The following ZNF264 variants were observed in gnomAD, a reference collection of about 807,000 sequenced individuals.
ZNF264 encodes zinc finger protein 264.
In ZNF264, 11 loss-of-function variants were observed where a neutral mutation model predicts 11.2. The ratio of observed to expected loss-of-function variants is 0.98; its 90% CI spans 0.62 to 1.63. ZNF264 has a LOEUF of 1.63. ZNF264 is among the 40% of genes most tolerant of loss of function. The pLI, the probability that ZNF264 is intolerant of heterozygous loss-of-function variation, is 0.00. For synonymous variants in ZNF264, 309 were observed against 279.8 expected (o/e 1.10, Z -1.04); for missense variants, 752 against 768.1 (o/e 0.98, Z 0.25).
chr19:57,202,539 T>G (rs1311908802), intron 2 of ZNF264, among the ~76,000 whole-genome samples: 1 of 151,834 alleles, frequency 6.6e-6, no homozygotes, highest in Non-Finnish European at 1.5e-5. Context: ...TCCTCCACCT[T>G]TCTGACTGTG....
intron 2 of ZNF264, among the ~76,000 whole-genome samples, chr19:57,200,204 AGGT>A (rs1267827332): frequency 6.6e-6 from 1 of 151,838 alleles, no homozygotes; most frequent in Non-Finnish European, 1.5e-5. Flanking sequence ...CAGCCTCACC[AGGT>A]GTCTACTGTT....
chr19:57,193,481 T>C, intron 1 of ZNF264: 7 of 985,432 alleles, frequency 7.1e-6, no homozygotes, highest in Non-Finnish European at 7.2e-6. Context: ...TCACTGTGTT[T>C]ACACAGGATG....
Position 57,195,304 on chromosome 19 carries a change from A to G in ZNF264, c.160+1303A>G, listed in dbSNP as rs183261132. On this transcript the variant is annotated intron_variant, in intron 2 of 3. Transcript: ENST00000263095. ...AAATCTTACGTCACATGATAAAGGA[A>G]ATAAAATGCAGATGTTTTCTTAGTA... Among the ~76,000 whole-genome samples the G allele has an allele frequency of 1.5e-3, 230 of 152,344 alleles. 1 individual carries two copies. The highest frequency in any genetic ancestry group is 5.5e-3 in the African/African-American group (228 of 41,566).
At chr19:57,192,189 G>A (rs1033105939) in intron 1 of ZNF264, among the ~76,000 whole-genome samples, 1 of 152,108 alleles carries the variant, frequency 6.6e-6, no homozygotes, top group Non-Finnish European at 1.5e-5. Context: ...TCCTTGGCCT[G>A]CAAGCATTCT....
chr19:57,212,016 A>G lies in ZNF264; in HGVS notation c.919A>G (p.Arg307Gly), dbSNP rs1035736278. ...CCGCTCCAATTTTGTCTTGCATAACAGGAGACACACTGGAGAAAAATCCTT... is the reference window on the plus strand; with the variant it reads ...CCGCTCCAATTTTGTCTTGCATAACGGGAGACACACTGGAGAAAAATCCTT... The part of the protein sequence containing the change: ...THRSNFVLHN[R>G]RHTGEKSFVC... Residue 307 changes from arginine to glycine, a missense_variant, in exon 4 of 4, where the codon AGG becomes GGG. Arg to Gly is a moderately radical substitution (Grantham distance 125, BLOSUM62 -2). Transcript: ENST00000263095. 2.6e-5 allele frequency: 42 copies of G among 1,613,896 alleles called. No homozygotes were observed. The highest frequency in any genetic ancestry group is 3.5e-5 in the Non-Finnish European group (41 of 1,179,996).
chr19:57,199,097 A>C (rs915049360), intron 2 of ZNF264, among the ~76,000 whole-genome samples: 1 of 151,970 alleles, frequency 6.6e-6, no homozygotes, highest in Non-Finnish European at 1.5e-5. Context: ...GAGTCAGACT[A>C]TTCTGATTGC....
intron 2 of ZNF264, among the ~76,000 whole-genome samples, chr19:57,198,123 T>C (rs1599946474): frequency 6.6e-6 from 1 of 152,024 alleles, no homozygotes; most frequent in East Asian, 1.9e-4. Context: ...GTGGGCCTTA[T>C]GGACAGGAAT....
chr19:57,198,724 T>C lies in ZNF264; in HGVS notation c.160+4723T>C, dbSNP rs552612698. On this transcript the variant is annotated intron_variant, in intron 2 of 3. Transcript: ENST00000263095. ...CAGCGTCAGCTCGGAGCCAGTGTCC[T>C]GTAGTCCCCGAAATGTCTGATCATT... 2.0e-5 allele frequency among the ~76,000 whole-genome samples: 3 copies of C among 152,024 alleles called. No individual in the cohort carries two copies. The South Asian group carries it at 6.2e-4, about 32-fold the overall frequency.
At chr19:57,211,244 G>A (rs1254849887) in intron 3 of ZNF264, 110 bp from the exon 4 acceptor site, 4 of 1,106,462 alleles carry the variant, frequency 3.6e-6, no homozygotes, top group African/African-American at 3.2e-5. Context: ...ACAGAAAATA[G>A]CAACACAGAG....
In ZNF264 at chr19:57,212,155, A is replaced by G. The variant is rs770410651; in HGVS notation, c.1058A>G (p.Lys353Arg). 1.9e-6 allele frequency: 3 copies of G among 1,613,884 alleles called. No individual in the cohort carries two copies. In the African/African-American group the frequency reaches 4.0e-5, roughly 22 times the overall value. Residue 353 changes from lysine (K) to arginine (R), a missense_variant, in exon 4 of 4, where the codon AAA becomes AGA. Physicochemically the swap from Lys to Arg is conservative, Grantham distance 26. Transcript: ENST00000263095. ...TGCTTGGAGTGTGGCAAGGTCTTCA[A>G]ACACAGGTCATATCTCATGTGGCAC... ...YECLECGKVF[K>R]HRSYLMWHQQ...
At chr19:57,199,454 T>A (rs1419429506) in intron 2 of ZNF264, among the ~76,000 whole-genome samples, 1 of 151,900 alleles carries the variant, frequency 6.6e-6, no homozygotes, top group Non-Finnish European at 1.5e-5. Flanking sequence ...AGATCAAGCA[T>A]TCCCAGCTCA....
At chr19:57,194,171 T>C (rs1273079963) in intron 2 of ZNF264, 170 bp downstream of exon 2, 2 of 936,414 alleles carry the variant, frequency 2.1e-6, no homozygotes, top group Non-Finnish European at 3.0e-6. Flanking sequence ...CTCCTATATC[T>C]CTGGGCTAAA....
intron 3 of ZNF264, among the ~76,000 whole-genome samples, chr19:57,206,452 G>A (rs534011774): frequency 1.2e-4 from 18 of 151,520 alleles, no homozygotes; most frequent in African/African-American, 4.4e-4. Context: ...GGGTTTCACC[G>A]TGGTCTCGAT....
rs1599942678 is a variant in ZNF264 at position 57,191,526 on chromosome 19, A to C, written c.-388A>C. On this transcript the variant is annotated 5_prime_UTR_variant, in exon 1 of 4. Transcript: ENST00000263095. The stretch of plus-strand genomic sequence containing the variant: ...TTTTCTTCTGCACTTCTGTCTGGAG[A>C]GGTCTGTAGCCACTGAGGGCCCCGG... 1 of 216,156 alleles carries C rather than the reference A, an allele frequency of 4.6e-6. No homozygotes were observed. Among genetic ancestry groups the C allele is most frequent in the Non-Finnish European group, 9.1e-6 (1 of 110,284 alleles). 13.4% of individuals were successfully genotyped at this position (216,156 alleles called of 1,614,324 possible). A position where few individuals can be genotyped will look rare whatever the true frequency, so the allele number is the denominator to read the frequency against.
Position 57,215,255 on chromosome 19 carries a change from G to A in ZNF264, c.*2274G>A, listed in dbSNP as rs906617474. The A allele has an allele frequency of 1.1e-4, 17 of 152,090 alleles. No individual in the cohort carries two copies. Among genetic ancestry groups the A allele is most frequent in the Admixed American group, 7.9e-4 (12 of 15,280 alleles). The allele number at this position is 152,090 out of a possible 1,614,324, so 9.4% of individuals were successfully genotyped here. On this transcript the variant is annotated 3_prime_UTR_variant, in exon 4 of 4. Coordinates refer to ENST00000263095, the MANE Select transcript of ZNF264 (RefSeq NM_003417.5). ...TTTTATTGGATAGGTAGAACTATTC[G>A]AAGTATCTATTTCTTGTGTAATAAA...
rs780656364 is a variant in ZNF264 at position 57,218,861 on chromosome 19, C to T, written c.*5880C>T. 12 of 152,016 alleles carry T rather than the reference C, an allele frequency of 7.9e-5. No individual in the cohort carries two copies. Among genetic ancestry groups the T allele is most frequent in the African/African-American group, 1.9e-4 (8 of 41,380 alleles). 9.4% of individuals were successfully genotyped at this position (152,016 alleles called of 1,614,324 possible). On this transcript the variant is annotated 3_prime_UTR_variant, in exon 4 of 4. Coordinates refer to ENST00000263095, the MANE Select transcript of ZNF264 (RefSeq NM_003417.5). ...TTCTGTTTCTTTGCTTATTTTTTAA[C>T]GCCAAAGAAAGACTCTCAGAGAATA... is the stretch of plus-strand genomic sequence containing the variant.
Position 57,219,139 on chromosome 19 carries a change from CAG to C in ZNF264, c.*6161_*6162del, listed in dbSNP as rs2087399968. ...TGCCACTGCACTCCAGCCTGGGCAA[CAG>C]AGCGAGACTCCATCTCAAAAAAAAA... On this transcript the variant is annotated 3_prime_UTR_variant, in exon 4 of 4. Coordinates refer to ENST00000263095, the MANE Select transcript of ZNF264 (RefSeq NM_003417.5). 1 of 151,890 alleles carries C rather than the reference CAG, an allele frequency of 6.6e-6. No homozygotes were observed. The highest frequency in any genetic ancestry group is 6.6e-5 in the Admixed American group (1 of 15,206). 9.4% of individuals were successfully genotyped at this position (151,890 alleles called of 1,614,324 possible). A position where few individuals can be genotyped will look rare whatever the true frequency, so the allele number is the denominator to read the frequency against.
At chr19:57,191,981 T>C in intron 1 of ZNF264, 35 bp downstream of exon 1, 1 of 1,512,422 alleles carries the variant, frequency 6.6e-7, no homozygotes, top group Non-Finnish European at 8.9e-7. Flanking sequence ...TGCCGCTTCC[T>C]TGCCAGCGCT....
rs1568476721 is a variant in ZNF264, at chr19:57,211,797, A to C, written c.700A>C (p.Thr234Pro). Reference protein sequence around the residue: ...IHSGVKPYECTECGKTFIKST... With the variant: ...IHSGVKPYECPECGKTFIKST... The stretch of plus-strand genomic sequence containing the variant: ...CTCTGGAGTTAAGCCCTATGAATGC[A>C]CAGAATGTGGGAAAACCTTTATTAA... Residue 234 changes from threonine (T) to proline (P), a missense_variant, in exon 4 of 4, where the codon ACA (threonine) becomes CCA (proline). Transcript: ENST00000263095. The C allele has an allele frequency of 6.2e-7, 1 of 1,614,238 alleles. No individual in the cohort carries two copies. The highest frequency in any genetic ancestry group is 8.5e-7 in the Non-Finnish European group (1 of 1,180,046).
Sources: gnomAD v4.1 joint callset for allele counts (sites outside exome capture counted in the v4.1 genomes callset) on GRCh38, gnomAD v4.1.1 for gene constraint, MANE v1.5 for transcripts, NCBI Gene and HGNC (gene_info 2026-07-23, HGNC 2026-07-21) for gene names.